KHDRBS2: variants seen among roughly 807,000 people sequenced by gnomAD.
KHDRBS2 encodes KH domain-containing, RNA-binding, signal transduction-associated protein 2.
In KHDRBS2, 26 loss-of-function variants were observed where a neutral mutation model predicts 44.3. The observed-to-expected ratio is 0.59, with a 90% CI of 0.43 to 0.81. The LOEUF is 0.81. Ranked by LOEUF, KHDRBS2 falls within the 40% of genes least tolerant of loss-of-function variation. The pLI is 0.00. For missense variants in KHDRBS2, 476 were observed against 433.1 expected (o/e 1.10, Z -0.88); for synonymous variants, 194 against 151.1 (o/e 1.28, Z -2.08).
chr6:62,000,338 A>G (rs182882137), intron 3 of KHDRBS2, among the ~76,000 whole-genome samples: 2 of 152,316 alleles, frequency 1.3e-5, no homozygotes, highest in East Asian at 1.9e-4. Flanking sequence ...GCTAAACTCA[A>G]ATGTAACCTC....
intron 6 of KHDRBS2, among the ~76,000 whole-genome samples, chr6:61,764,321 G>A (rs182909893): frequency 6.6e-6 from 1 of 152,128 alleles, no homozygotes; most frequent in Non-Finnish European, 1.5e-5. Context: ...ATAATAGAAC[G>A]ATTATATTCC....
At chr6:61,569,909 C>G in the KHDRBS2 span, among the ~76,000 whole-genome samples, 5 of 152,124 alleles carry the variant, frequency 3.3e-5, no homozygotes, top group Non-Finnish European at 5.9e-5. Flanking sequence ...CCCCATGAGA[C>G]AAAAGAATAT....
intron 6 of KHDRBS2, among the ~76,000 whole-genome samples, chr6:61,830,729 CCATTCTACCTTTG>C (rs1407496519): frequency 1.6e-4 from 24 of 152,236 alleles, no homozygotes; most frequent in African/African-American, 5.5e-4. Flanking sequence ...GGCTAGCTTA[CCATTCTACCTTTG>C]AGCCAAATGG....
At chr6:62,027,983 G>A (rs1316829005) in intron 3 of KHDRBS2, among the ~76,000 whole-genome samples, 4 of 152,082 alleles carry the variant, frequency 2.6e-5, no homozygotes, top group Non-Finnish European at 5.9e-5. Flanking sequence ...TTGTAGCTAA[G>A]TCAGTCACAA....
chr6:61,602,777 A>G, the KHDRBS2 span, among the ~76,000 whole-genome samples: 1 of 152,098 alleles, frequency 6.6e-6, no homozygotes, highest in African/African-American at 2.4e-5. Context: ...TAAACCTCTT[A>G]AAACTCCCCA....
chr6:61,954,565 C>T (rs1691664802), intron 4 of KHDRBS2, among the ~76,000 whole-genome samples: 1 of 146,124 alleles, frequency 6.8e-6, no homozygotes, highest in Non-Finnish European at 1.5e-5. Context: ...TATACACATA[C>T]ATACGTATGT....
chr6:61,840,253 T>C (rs1793392301), intron 6 of KHDRBS2, among the ~76,000 whole-genome samples: 1 of 152,096 alleles, frequency 6.6e-6, no homozygotes, highest in Admixed American at 6.6e-5. Context: ...TGGATCTTTT[T>C]TGACATCATT....
chr6:61,565,998 GGTGT>G, the KHDRBS2 span, among the ~76,000 whole-genome samples: 24,722 of 148,578 alleles, frequency 0.17, 2,183 homozygotes, highest in East Asian at 0.25. Context: ...AAGAAAATGT[GGTGT>G]GTGTGTGTGT....
At chr6:61,746,005 A>T (rs1297437984) in intron 6 of KHDRBS2, among the ~76,000 whole-genome samples, 1 of 152,084 alleles carries the variant, frequency 6.6e-6, no homozygotes, top group Non-Finnish European at 1.5e-5. Flanking sequence ...ACTGAGACTT[A>T]GTACTTAACG....
intron 4 of KHDRBS2, among the ~76,000 whole-genome samples, chr6:61,928,852 CAT>C (rs531718613): frequency 2.6e-5 from 4 of 152,014 alleles, no homozygotes; most frequent in Non-Finnish European, 4.4e-5. Context: ...GCTTTAGAAA[CAT>C]ATTATAAAAC....
At chr6:62,087,199 A>G (rs1699522896) in intron 2 of KHDRBS2, among the ~76,000 whole-genome samples, 1 of 152,138 alleles carries the variant, frequency 6.6e-6, no homozygotes, top group Non-Finnish European at 1.5e-5. Context: ...ATTGATCCAT[A>G]TAACATTCCA....
chr6:61,628,337 CA>C, the KHDRBS2 span, among the ~76,000 whole-genome samples: 2 of 145,146 alleles, frequency 1.4e-5, no homozygotes, highest in Non-Finnish European at 3.0e-5. Flanking sequence ...ACACTCTCTT[CA>C]AACTCAAATA....
intron 7 of KHDRBS2, among the ~76,000 whole-genome samples, chr6:61,718,831 G>C (rs550107676): frequency 6.6e-6 from 1 of 151,982 alleles, no homozygotes; most frequent in Non-Finnish European, 1.5e-5. Context: ...TGTGGTACTC[G>C]TCCACTGAAA....
At chr6:61,862,842 T>C (rs944309643) in intron 6 of KHDRBS2, among the ~76,000 whole-genome samples, 1 of 152,130 alleles carries the variant, frequency 6.6e-6, no homozygotes, top group African/African-American at 2.4e-5. Flanking sequence ...ATAGAATGGG[T>C]TAGGGAGGAA....
intron 2 of KHDRBS2, among the ~76,000 whole-genome samples, chr6:62,065,690 G>A (rs1793477338): frequency 6.8e-6 from 1 of 146,716 alleles, no homozygotes; most frequent in African/African-American, 2.5e-5. Context: ...GCTAGATGAC[G>A]AGTTAGTGGG....
intron 6 of KHDRBS2, among the ~76,000 whole-genome samples, chr6:61,849,720 A>G (rs764564868): frequency 3.3e-5 from 5 of 151,912 alleles, no homozygotes; most frequent in Non-Finnish European, 5.9e-5. Flanking sequence ...AATATGAATC[A>G]TAGACCATGA....
chr6:61,815,558 G>A (rs1788783000), intron 6 of KHDRBS2, among the ~76,000 whole-genome samples: 1 of 152,130 alleles, frequency 6.6e-6, no homozygotes, highest in Non-Finnish European at 1.5e-5. Context: ...TTTACAAGAG[G>A]TTGGTTGGGA....
chr6:62,119,217 T>G (rs1481033487), intron 2 of KHDRBS2, among the ~76,000 whole-genome samples: 1 of 152,178 alleles, frequency 6.6e-6, no homozygotes, highest in South Asian at 2.1e-4. Flanking sequence ...TAGAGGGATA[T>G]GCAAAATTAA....
chr6:61,733,648 T>A (rs1346146370), intron 6 of KHDRBS2, among the ~76,000 whole-genome samples: 2 of 152,004 alleles, frequency 1.3e-5, no homozygotes, highest in South Asian at 2.1e-4. Flanking sequence ...TTTTTAAATC[T>A]CATAAGTAAA....
Sources: gnomAD v4.1 joint callset for allele counts (sites outside exome capture counted in the v4.1 genomes callset) on GRCh38, gnomAD v4.1.1 for gene constraint, MANE v1.5 for transcripts, NCBI Gene and HGNC (gene_info 2026-07-23, HGNC 2026-07-21) for gene names.